Variants in KIF27 observed in about 807,000 individuals in gnomAD.
KIF27 encodes kinesin family member 27.
In KIF27, 84 loss-of-function variants were observed where a neutral mutation model predicts 141.8. The ratio of observed to expected loss-of-function variants is 0.59; its 90% CI spans 0.50 to 0.71. The LOEUF is 0.71. Ranked by LOEUF, KIF27 falls within the 30% of genes least tolerant of loss-of-function variation. KIF27 has a pLI of 0.00. For synonymous variants in KIF27, 471 were observed against 569.5 expected (o/e 0.83, Z 2.46); for missense variants, 1,306 against 1,628.4 (o/e 0.80, Z 3.41).
chr9:83,859,238 A>G lies in KIF27; in HGVS notation c.3068T>C (p.Leu1023Pro), dbSNP rs1343941050. 3 of 1,614,118 alleles carry G rather than the reference A, an allele frequency of 1.9e-6. No individual in the cohort carries two copies. Among genetic ancestry groups the G allele is most frequent in the South Asian group, 2.2e-5 (2 of 91,088 alleles). Reference protein sequence around the residue: ...KTKISEQVEVLQKEKDQLQKR... With the variant: ...KTKISEQVEVPQKEKDQLQKR... Reference sequence around the variant, plus strand: ...CTGGAGCTGATCCTTTTCTTTCTGGAGGACTTCAACTTGTTCTGAAATCTT... The same window carrying G: ...CTGGAGCTGATCCTTTTCTTTCTGGGGGACTTCAACTTGTTCTGAAATCTT... The change falls in exon 14 of 18, where the codon CTC becomes CCC. Residue 1023 changes from leucine to proline, a missense_variant. This residue lies in a region of KIF27 where 596 missense variants were observed against 751.6 expected (regional missense o/e 0.79). Coordinates refer to ENST00000297814, the MANE Select transcript of KIF27 (RefSeq NM_017576.4).
At position 83,896,344 on chromosome 9, in the gene KIF27, T is replaced by G. The variant is rs533964399; in HGVS notation, c.1602+3317A>C. Among the ~76,000 whole-genome samples the G allele has an allele frequency of 2.0e-5, 3 of 152,322 alleles. No homozygotes were observed. The South Asian group carries it at 6.2e-4, about 32-fold the overall frequency. On this transcript the variant is annotated intron_variant, in intron 5 of 17. Transcript: ENST00000297814. ...CCCACTTGATGGTAACTGTAGACACTCCTTATCAAAAACTGAGTTTAGTCA... is the reference window on the plus strand; with the variant it reads ...CCCACTTGATGGTAACTGTAGACACGCCTTATCAAAAACTGAGTTTAGTCA...
intron 13 of KIF27, among the ~76,000 whole-genome samples, chr9:83,861,486 A>G (rs1431838233): frequency 3.5e-4 from 54 of 152,282 alleles, no homozygotes; most frequent in Non-Finnish European, 4.4e-5. Context: ...AGCTTCATCC[A>G]TGTCCCTACA....
intron 11 of KIF27, among the ~76,000 whole-genome samples, chr9:83,874,663 G>A (rs1209018018): frequency 1.3e-5 from 2 of 152,170 alleles, no homozygotes; most frequent in Non-Finnish European, 2.9e-5. Context: ...GCAAGGTGTG[G>A]TGGCTTATGC....
At position 83,836,770 on chromosome 9, in the gene KIF27, A is replaced by T. The variant is rs980416240; in HGVS notation, c.*231T>A. On this transcript the variant is annotated 3_prime_UTR_variant, in exon 18 of 18. Coordinates refer to ENST00000297814, the MANE Select transcript of KIF27 (RefSeq NM_017576.4). Reference sequence around the variant, plus strand: ...TTTAAGCGTATTTATAAATATTTAAATGTTATCAAGTATTGGAAAACATGT... The same window carrying T: ...TTTAAGCGTATTTATAAATATTTAATTGTTATCAAGTATTGGAAAACATGT... 1 of 539,552 alleles carries T rather than the reference A, an allele frequency of 1.9e-6. No individual in the cohort carries two copies. The highest frequency in any genetic ancestry group is 3.0e-6 in the Non-Finnish European group (1 of 336,756). The allele number at this position is 539,552 out of a possible 1,614,324, so 33.4% of individuals were successfully genotyped here.
Position 83,903,547 on chromosome 9 carries a change from T to C in KIF27, c.971A>G (p.Asn324Ser). The C allele has an allele frequency of 1.2e-6, 2 of 1,614,160 alleles. No individual in the cohort carries two copies. The highest frequency in any genetic ancestry group is 1.7e-6 in the Non-Finnish European group (2 of 1,180,004). The stretch of plus-strand genomic sequence containing the variant: ...GAGAGAATTTAAGGACTCATCAAAA[T>C]TCGAGGAGGAGGGGCTGACACATGT... ...MITCVSPSSS[N>S]FDESLNSLKY... Residue 324 changes from asparagine to serine, a missense_variant, in exon 4 of 18, where the codon AAT (asparagine) becomes AGT (serine). Physicochemically the swap from Asn to Ser is conservative, Grantham distance 46. This residue lies in a region of KIF27 where 533 missense variants were observed against 565.6 expected (regional missense o/e 0.94). Coordinates refer to ENST00000297814, the MANE Select transcript of KIF27 (RefSeq NM_017576.4).
chr9:83,874,220 A>C (rs1951030159), intron 11 of KIF27, among the ~76,000 whole-genome samples: 1 of 152,168 alleles, frequency 6.6e-6, no homozygotes, highest in Non-Finnish European at 1.5e-5. Flanking sequence ...TAGCCCTCAC[A>C]ACAATCCTAT....
rs1346673936 is a variant in KIF27 at position 83,835,263 on chromosome 9, G to C, written c.*1738C>G. Among the ~76,000 whole-genome samples, 2 of 150,916 alleles carry C rather than the reference G, an allele frequency of 1.3e-5. No homozygotes were observed. The highest frequency in any genetic ancestry group is 6.6e-5 in the Admixed American group (1 of 15,134). On this transcript the variant is annotated 3_prime_UTR_variant, in exon 18 of 18. Coordinates refer to ENST00000297814, the MANE Select transcript of KIF27 (RefSeq NM_017576.4). ...TGTATGTTTTACCTTTGGTTTGTAT[G>C]ATTTATATTTATATATAAATGTACA...
At chr9:83,864,194 G>C (rs1224505444) in intron 13 of KIF27, among the ~76,000 whole-genome samples, 1 of 152,086 alleles carries the variant, frequency 6.6e-6, no homozygotes, top group East Asian at 1.9e-4. Flanking sequence ...TCTGATCTTA[G>C]TTATTTCTTG....
intron 16 of KIF27, chr9:83,848,037 A>T (rs1375372073): frequency 8.9e-6 from 1 of 112,358 alleles, no homozygotes; most frequent in Non-Finnish European, 1.8e-5. Context: ...CTATATCTAT[A>T]TATATCTACA....
intron 1 of KIF27, among the ~76,000 whole-genome samples, chr9:83,915,956 GTAA>G (rs1955637423): frequency 6.6e-6 from 1 of 152,156 alleles, no homozygotes; most frequent in African/African-American, 2.4e-5. Context: ...TATTTCTACA[GTAA>G]TAATGTTTCC....
rs1361354824 is a variant in KIF27 at position 83,836,547 on chromosome 9, G to A, written c.*454C>T. On this transcript the variant is annotated 3_prime_UTR_variant, in exon 18 of 18. Coordinates refer to ENST00000297814, the MANE Select transcript of KIF27 (RefSeq NM_017576.4). ...GAGGTTGTCTTAGCCCACATATGCAGCAGGTGACTCCCTCTGACAAAAGCA... is the reference window on the plus strand; with the variant it reads ...GAGGTTGTCTTAGCCCACATATGCAACAGGTGACTCCCTCTGACAAAAGCA... Among the ~76,000 whole-genome samples the A allele has an allele frequency of 6.6e-6, 1 of 151,912 alleles. No individual in the cohort carries two copies. The highest frequency in any genetic ancestry group is 1.9e-4 in the East Asian group (1 of 5,200).
intron 2 of KIF27, among the ~76,000 whole-genome samples, chr9:83,909,962 G>A (rs1954970969): frequency 6.6e-6 from 1 of 152,108 alleles, no homozygotes; most frequent in Non-Finnish European, 1.5e-5. Context: ...TGCTTAGGAG[G>A]CTGAGAAGGG....
chr9:83,913,995 T>TA (rs1955448923), intron 2 of KIF27, among the ~76,000 whole-genome samples: 1 of 152,074 alleles, frequency 6.6e-6, no homozygotes, highest in African/African-American at 2.4e-5. Flanking sequence ...GTCCTCTATT[T>TA]CTTCTGATAG....
chr9:83,878,370 T>C (rs1396841492), intron 11 of KIF27, among the ~76,000 whole-genome samples: 2 of 151,914 alleles, frequency 1.3e-5, no homozygotes, highest in African/African-American at 4.8e-5. Context: ...AGATTTACCA[T>C]ATAACCCAGA....
rs926185268 is a variant in KIF27 at position 83,835,021 on chromosome 9, A to G, written c.*1980T>C. ...ACAGCAATAATATATTTAAATAAAT[A>G]TGTATTTATTAACAAAGATCCTAAT... On this transcript the variant is annotated 3_prime_UTR_variant, in exon 18 of 18. Coordinates refer to ENST00000297814, the MANE Select transcript of KIF27 (RefSeq NM_017576.4). Among the ~76,000 whole-genome samples, 1 of 149,020 alleles carries G rather than the reference A, an allele frequency of 6.7e-6. No individual in the cohort carries two copies. Among genetic ancestry groups the G allele is most frequent in the Non-Finnish European group, 1.5e-5 (1 of 67,464 alleles).
rs531054715 is a variant in KIF27 at position 83,850,931 on chromosome 9, G to A, written c.3358-634C>T. Among the ~76,000 whole-genome samples, 14 of 130,880 alleles carry A rather than the reference G, an allele frequency of 1.1e-4. No homozygotes were observed. In the South Asian group the frequency reaches 1.3e-3, roughly 13 times the overall value. 85.9% of individuals were successfully genotyped at this position (130,880 alleles called of 152,430 possible). A position where few individuals can be genotyped will look rare whatever the true frequency, so the allele number is the denominator to read the frequency against. On this transcript the variant is annotated intron_variant, in intron 15 of 17. Coordinates refer to ENST00000297814, the MANE Select transcript of KIF27 (RefSeq NM_017576.4). ...CGGCTCACTGCAAGCTCCGCCTCCC[G>A]GGTTCATGCCATTCTCCTGCCTCAG...
intron 5 of KIF27, among the ~76,000 whole-genome samples, chr9:83,892,492 A>G (rs1267766186): frequency 6.6e-6 from 1 of 152,156 alleles, no homozygotes; most frequent in Non-Finnish European, 1.5e-5. Flanking sequence ...AGAAAAAATA[A>G]CCAATGATCC....
intron 13 of KIF27, among the ~76,000 whole-genome samples, chr9:83,865,312 T>G (rs1021166554): frequency 1.3e-5 from 2 of 152,174 alleles, no homozygotes; most frequent in Admixed American, 6.6e-5. Flanking sequence ...GACCCTTTTT[T>G]TTGAGATGGA....
At chr9:83,902,876 A>T (rs187053354) in intron 4 of KIF27, among the ~76,000 whole-genome samples, 184 bp downstream of exon 4, 62 of 152,270 alleles carry the variant, frequency 4.1e-4, no homozygotes, top group African/African-American at 1.4e-3. Context: ...TATATAAATC[A>T]TTTTTTAAAA....
Sources: allele counts gnomAD v4.1 joint callset (sites outside exome capture counted in the v4.1 genomes callset), GRCh38; gene constraint gnomAD v4.1.1; regional missense constraint gnomAD v4.1.1; transcripts MANE v1.5; gene names NCBI Gene and HGNC (gene_info 2026-07-23, HGNC 2026-07-21).